MUC12: variants seen among roughly 807,000 people sequenced by gnomAD.
MUC12 encodes mucin-12.
In MUC12, 172 loss-of-function variants were observed where a neutral mutation model predicts 230.8. The ratio of observed to expected loss-of-function variants is 0.75; its 90% CI spans 0.66 to 0.85. The LOEUF is 0.85. MUC12 is among the 40% of genes least tolerant of loss of function. The pLI, the probability that MUC12 is intolerant of heterozygous loss-of-function variation, is 0.00. For missense variants in MUC12, 3,506 were observed against 5,920.6 expected (o/e 0.59, Z 13.38); for synonymous variants, 1,259 against 2,401.9 (o/e 0.52, Z 13.91).
At chr7:100,989,008 A>G (rs1793236893) in intron 1 of MUC12, among the ~76,000 whole-genome samples, 1 of 151,672 alleles carries the variant, frequency 6.6e-6, no homozygotes, top group Non-Finnish European at 1.5e-5. Flanking sequence ...CATGATTGTG[A>G]GGCCTCCCCA....
At chr7:100,979,569 C>T (rs1271809874) in intron 1 of MUC12, among the ~76,000 whole-genome samples, 1 of 152,076 alleles carries the variant, frequency 6.6e-6, no homozygotes, top group Non-Finnish European at 1.5e-5. Flanking sequence ...ATCGCGAGGT[C>T]AAGAGATCGA....
intron 1 of MUC12, among the ~76,000 whole-genome samples, chr7:100,986,178 A>G (rs79916927): frequency 0.045 from 6,902 of 152,204 alleles, 222 homozygotes; most frequent in Non-Finnish European, 0.063. Flanking sequence ...TGGGCAACAT[A>G]GCAAGATCCC....
At position 100,991,948 on chromosome 7, in the gene MUC12, T is replaced by G. The variant is rs564189766; in HGVS notation, c.1385T>G (p.Val462Gly). The G allele has an allele frequency of 3.0e-5, 46 of 1,537,772 alleles. No individual in the cohort carries two copies. The African/African-American group carries it at 6.0e-4, about 20-fold the overall frequency. ...LPAGSTPSVL[V>G]GDSTPSPISS... is the part of the protein sequence containing the mutation. Reference sequence around the variant, plus strand: ...GCCGGCTCTACACCCTCAGTTCTTGTTGGAGACTCGACGCCCTCACCCATC... The same window carrying G: ...GCCGGCTCTACACCCTCAGTTCTTGGTGGAGACTCGACGCCCTCACCCATC... The change falls in exon 2 of 12, where the codon GTT becomes GGT. Residue 462 changes from valine (V) to glycine (G), a missense_variant. Physicochemically the swap from Val to Gly is moderately radical, Grantham distance 109. Coordinates refer to ENST00000536621, the MANE Select transcript of MUC12 (RefSeq NM_001164462.2).
At position 101,013,976 on chromosome 7, in the gene MUC12, C is replaced by T. The variant is rs2116361053; in HGVS notation, c.15702C>T (p.Ser5234=). Residue 5234 remains serine (S), a synonymous_variant, in exon 9 of 12, where the codon AGC becomes AGT. Transcript: ENST00000536621. The part of the protein sequence containing the change: ...GETCEFNIAK[S]LVYGIVGAVM... The stretch of plus-strand genomic sequence containing the variant: ...CCTGTGAATTCAACATCGCCAAGAG[C>T]CTCGTGTATGGGATCGTGGGGGCTG... 6.5e-7 allele frequency: 1 copy of T among 1,536,484 alleles called. No individual in the cohort carries two copies. Among genetic ancestry groups the T allele is most frequent in the Non-Finnish European group, 8.7e-7 (1 of 1,146,588 alleles).
In MUC12 at chr7:100,991,146, G is replaced by A. The variant is rs1240736726; in HGVS notation, c.583G>A (p.Ala195Thr). ...GCCAGGCGTCAGTCAGGAATCTACAGCTTCCCACAGCATCCCCGGCTCCAC... is the reference window on the plus strand; with the variant it reads ...GCCAGGCGTCAGTCAGGAATCTACAACTTCCCACAGCATCCCCGGCTCCAC... ...TMPGVSQEST[A>T]SHSIPGSTDT... is the part of the protein sequence containing the mutation. Residue 195 changes from alanine (A) to threonine (T), a missense_variant, in exon 2 of 12, where the codon GCT (alanine) becomes ACT (threonine). Coordinates refer to ENST00000536621, the MANE Select transcript of MUC12 (RefSeq NM_001164462.2). 18 of 1,537,588 alleles carry A rather than the reference G, an allele frequency of 1.2e-5. No individual in the cohort carries two copies. The highest frequency in any genetic ancestry group is 2.4e-5 in the East Asian group (1 of 40,912).
Position 101,008,704 on chromosome 7 carries a change from GATGA to G in MUC12, c.15134_15137del (p.Asn5045ThrfsTer22). ...TGACTTACAGAAATTTCACAGAAAA[GATGA>G]ATGACGCATCCTCCCAGGAATACCA... On this transcript the variant is annotated frameshift_variant, in exon 4 of 12. Coordinates refer to ENST00000536621, the MANE Select transcript of MUC12 (RefSeq NM_001164462.2). LOFTEE classifies it high-confidence loss of function. 6.5e-7 allele frequency: 1 copy of G among 1,537,302 alleles called. No individual in the cohort carries two copies. The highest frequency in any genetic ancestry group is 8.7e-7 in the Non-Finnish European group (1 of 1,146,928).
rs184112270 is a variant in MUC12, at chr7:101,009,149, C to T, written c.15241C>T (p.Arg5081Trp). The change falls in exon 5 of 12, where the codon CGG becomes TGG. Residue 5081 changes from arginine (R) to tryptophan (W), a missense_variant. By Grantham distance (101) the Arg-to-Trp change is moderately radical. Coordinates refer to ENST00000536621, the MANE Select transcript of MUC12 (RefSeq NM_001164462.2). ...TCCTCAGTATAGAGGGGTGAACATT[C>T]GGAGATTGCTGTGAGTATATTGGGG... The part of the protein sequence containing the change: ...NLPQYRGVNI[R>W]RLLNGSIVVK... 209 of 1,537,740 alleles carry T rather than the reference C, an allele frequency of 1.4e-4. No homozygotes were observed. Among genetic ancestry groups the T allele is most frequent in the African/African-American group, 7.0e-4 (51 of 73,116 alleles).
chr7:100,990,928 C>T lies in MUC12; in HGVS notation c.365C>T (p.Thr122Ile), dbSNP rs752910352. ...ATCACTTCAGCCTCAATGGAAACAA[C>T]AGCGTTACCTGGCAGTACCACAACA... ...SPITSASMET[T>I]ALPGSTTTAG... The change falls in exon 2 of 12, where the codon ACA becomes ATA. Residue 122 changes from threonine to isoleucine, a missense_variant. Thr to Ile is a moderately conservative substitution (Grantham distance 89). Transcript: ENST00000536621. The T allele has an allele frequency of 4.7e-5, 73 of 1,537,790 alleles. No individual in the cohort carries two copies. The highest frequency in any genetic ancestry group is 6.4e-5 in the Non-Finnish European group (73 of 1,147,068).
rs772642924 is a variant in MUC12, at chr7:100,969,677, A to G, written c.55A>G (p.Thr19Ala). 3 of 1,503,434 alleles carry G rather than the reference A, an allele frequency of 2.0e-6. No individual in the cohort carries two copies. Among genetic ancestry groups the G allele is most frequent in the Non-Finnish European group, 1.8e-6 (2 of 1,133,144 alleles). The allele number at this position is 1,503,434 out of a possible 1,614,324, so 93.1% of individuals were successfully genotyped here. The change falls in exon 1 of 12, where the codon ACA becomes GCA. Residue 19 changes from threonine (T) to alanine (A), a missense_variant. Coordinates refer to ENST00000536621, the MANE Select transcript of MUC12 (RefSeq NM_001164462.2). The stretch of plus-strand genomic sequence containing the variant: ...TCTCCGGCTCTGCGCGTCCGTTACT[A>G]CAGTGACACCAGGTGAGTGCTCCTG... ...LALRLCASVT[T>A]VTPGSTVNTS... is the part of the protein sequence containing the mutation.
chr7:100,975,151 C>G (rs966781031), intron 1 of MUC12, among the ~76,000 whole-genome samples: 2 of 152,304 alleles, frequency 1.3e-5, no homozygotes, highest in African/African-American at 4.8e-5. Context: ...GCAGAGGACA[C>G]AAAAGCCAGA....
At chr7:100,989,621 C>A (rs1229370638) in intron 1 of MUC12, among the ~76,000 whole-genome samples, 1 of 152,062 alleles carries the variant, frequency 6.6e-6, no homozygotes, top group African/African-American at 2.4e-5. Flanking sequence ...CAATACTGGA[C>A]AGAGGCATAT....
chr7:101,014,179 A>G, intron 9 of MUC12, 105 bp downstream of exon 9: 1 of 1,340,382 alleles, frequency 7.5e-7, no homozygotes, highest in South Asian at 1.6e-5. Context: ...GCCAGCAATC[A>G]GAGAGGTCAG....
intron 1 of MUC12, among the ~76,000 whole-genome samples, chr7:100,988,678 G>A (rs961484299): frequency 2.0e-5 from 3 of 152,150 alleles, no homozygotes; most frequent in African/African-American, 7.2e-5. Context: ...GGCAGCTGCA[G>A]GGTTAGAGGT....
chr7:100,989,707 T>G (rs2116295194), intron 1 of MUC12, among the ~76,000 whole-genome samples: 2 of 152,164 alleles, frequency 1.3e-5, no homozygotes, highest in South Asian at 2.1e-4. Context: ...CATTTTTTTT[T>G]TTTAGATGGT....
intron 9 of MUC12, 35 bp downstream of exon 9, chr7:101,014,109 A>G: frequency 6.7e-7 from 1 of 1,498,250 alleles, no homozygotes; most frequent in South Asian, 1.3e-5. Context: ...AGGCCCACAC[A>G]GAGGGGACAG....
chr7:100,981,512 G>A, intron 1 of MUC12: 1 of 476,556 alleles, frequency 2.1e-6, no homozygotes, highest in Non-Finnish European at 3.7e-6. Context: ...CAGGAGGTGA[G>A]GGTGTCCTAG....
chr7:101,001,271 TC>T lies in MUC12; in HGVS notation c.10710del (p.Phe3571LeufsTer155). 6.5e-7 allele frequency: 1 copy of T among 1,532,608 alleles called. No individual in the cohort carries two copies. The highest frequency in any genetic ancestry group is 8.7e-7 in the Non-Finnish European group (1 of 1,145,906). The allele number at this position is 1,532,608 out of a possible 1,614,324, so 94.9% of individuals were successfully genotyped here. A position where few individuals can be genotyped will look rare whatever the true frequency, so the allele number is the denominator to read the frequency against. On this transcript the variant is annotated frameshift_variant, in exon 2 of 12. Coordinates refer to ENST00000536621, the MANE Select transcript of MUC12 (RefSeq NM_001164462.2). LOFTEE classifies it high-confidence loss of function. ...ALSPGSTTAL[S>X]FGQESTTFHS... ...GTCCCCTGGCAGTACCACAGCCTTA[TC>T]CTTTGGTCAAGAATCTACAACCTTC...
chr7:100,972,897 A>T (rs1271281218), intron 1 of MUC12: 1 of 703,044 alleles, frequency 1.4e-6, no homozygotes, highest in Non-Finnish European at 2.6e-6. Context: ...AGAAGCAGAC[A>T]GTCGAGCAAG....
In MUC12 at chr7:100,991,639, C is replaced by G. The variant is rs781392118; in HGVS notation, c.1076C>G (p.Thr359Arg). ...ACCTCAGGCCATGTTGAAGAATCTA[C>G]AGCCTACCACAGGAGCCCGGGCTCA... The part of the protein sequence containing the change: ...SATSGHVEES[T>R]AYHRSPGSTQ... Residue 359 changes from threonine (T) to arginine (R), a missense_variant, in exon 2 of 12, where the codon ACA becomes AGA. Coordinates refer to ENST00000536621, the MANE Select transcript of MUC12 (RefSeq NM_001164462.2). 3.3e-6 allele frequency: 5 copies of G among 1,534,998 alleles called. No homozygotes were observed. Among genetic ancestry groups the G allele is most frequent in the Non-Finnish European group, 4.4e-6 (5 of 1,144,766 alleles).
Sources: allele counts gnomAD v4.1 joint callset (sites outside exome capture counted in the v4.1 genomes callset), GRCh38; gene constraint gnomAD v4.1.1; transcripts MANE v1.5; gene names NCBI Gene and HGNC (gene_info 2026-07-23, HGNC 2026-07-21).